CES4A: variants seen among roughly 807,000 people sequenced by gnomAD.
The protein encoded by CES4A is carboxylesterase 4A.
Under a neutral mutation model 65.4 loss-of-function variants are expected in CES4A, and 48 were observed. The observed-to-expected ratio is 0.73, with a 90% CI of 0.58 to 0.93. CES4A has a LOEUF of 0.93. Ranked by LOEUF, CES4A falls within the 40% of genes least tolerant of loss-of-function variation. The probability of loss-of-function intolerance (pLI) is 0.00; values close to 1 mark genes in which losing one functional copy is unlikely to be tolerated. For missense variants in CES4A, 685 were observed against 728.5 expected (o/e 0.94, Z 0.69); for synonymous variants, 247 against 281.8 (o/e 0.88, Z 1.24).
downstream of CES4A, among the ~76,000 whole-genome samples, chr16:67,010,410 A>G (rs184554903): frequency 7.4e-6 from 1 of 135,168 alleles, no homozygotes; most frequent in Non-Finnish European, 1.6e-5. Context: ...AAATTTTACC[A>G]TTTTAACTAT....
intron 11 of CES4A, chr16:67,005,694 A>C (rs1169570569): frequency 1.7e-5 from 5 of 288,014 alleles, no homozygotes; most frequent in Middle Eastern, 1.1e-3. Flanking sequence ...TAAAAGTACA[A>C]AAAAATTAGC....
At chr16:67,005,704 C>T in intron 11 of CES4A, 1 of 275,912 alleles carries the variant, frequency 3.6e-6, no homozygotes, top group Non-Finnish European at 6.8e-6. Flanking sequence ...AAAAAATTAG[C>T]CAGCTGTAGT....
chr16:67,000,933 G>A lies in CES4A; in HGVS notation c.479G>A (p.Arg160His). The change falls in exon 4 of 14, where the codon CGC (arginine) becomes CAC (histidine). Residue 160 changes from arginine (R) to histidine (H), a missense_variant. Coordinates refer to ENST00000648724, the Ensembl canonical transcript of CES4A. This position sits in a 1 kb window ranked among gnomAD's most constrained non-coding sequence, Gnocchi z 4.2. Reference sequence around the variant, plus strand: ...TACGAGGGCTCTGACTTGGCCGCCCGCGAGAAAGTGGTGCTGGTGTTTCTG... The same window carrying A: ...TACGAGGGCTCTGACTTGGCCGCCCACGAGAAAGTGGTGCTGGTGTTTCTG... The A allele has an allele frequency of 1.2e-6, 2 of 1,613,382 alleles. No homozygotes were observed. Among genetic ancestry groups the A allele is most frequent in the Non-Finnish European group, 1.7e-6 (2 of 1,179,650 alleles).
At chr16:66,997,230 G>A (rs947507184) in intron 2 of CES4A, among the ~76,000 whole-genome samples, 1 of 152,156 alleles carries the variant, frequency 6.6e-6, no homozygotes, top group African/African-American at 2.4e-5. Flanking sequence ...ACAGAACATG[G>A]GATGGCCACT....
chr16:67,002,698 C>T (rs1965451837), intron 5 of CES4A, among the ~76,000 whole-genome samples: 2 of 152,050 alleles, frequency 1.3e-5, no homozygotes, highest in South Asian at 4.1e-4. Context: ...ACTTGTTCCC[C>T]CAACTTGGGC....
intron 13 of CES4A, 68 bp downstream of exon 13, chr16:67,006,885 C>T (rs1049412693): frequency 6.8e-7 from 1 of 1,469,434 alleles, no homozygotes; most frequent in African/African-American, 1.4e-5. Flanking sequence ...AAGCCAGCTG[C>T]TTCGGATATT....
At chr16:66,992,428 A>T (rs1217131885) in intron 1 of CES4A, among the ~76,000 whole-genome samples, 1 of 152,186 alleles carries the variant, frequency 6.6e-6, no homozygotes, top group Non-Finnish European at 1.5e-5. Flanking sequence ...TATTGCATCA[A>T]TTCCAAATCC....
At chr16:66,995,917 C>T in intron 2 of CES4A, 88 bp downstream of exon 2, 1 of 1,286,546 alleles carries the variant, frequency 7.8e-7, no homozygotes, top group Non-Finnish European at 1.1e-6. Context: ...CTGAGAAGAA[C>T]TCACTGTGTG....
At position 67,000,502 on chromosome 16, in the gene CES4A, C is replaced by A; in HGVS notation, c.261-136C>A. ...GGCTGGCGGAGGCCTCCTGTACACG[C>A]ACACGCACGCACATGCGCACGCACA... On this transcript the variant is annotated intron_variant, in intron 2 of 13. Coordinates refer to ENST00000648724, the Ensembl canonical transcript of CES4A. This position sits in a 1 kb window ranked among gnomAD's most constrained non-coding sequence, Gnocchi z 4.2. 4.9e-6 allele frequency: 7 copies of A among 1,439,814 alleles called. No individual in the cohort carries two copies. Among genetic ancestry groups the A allele is most frequent in the Non-Finnish European group, 5.5e-6 (6 of 1,096,910 alleles). 89.2% of individuals were successfully genotyped at this position (1,439,814 alleles called of 1,614,324 possible).
chr16:67,002,195 C>T (rs571263668), intron 5 of CES4A, among the ~76,000 whole-genome samples: 1 of 152,136 alleles, frequency 6.6e-6, no homozygotes, highest in Non-Finnish European at 1.5e-5. Context: ...GACGGAGTTT[C>T]GCTCTTGTTG....
In CES4A at chr16:67,006,826, G is replaced by A. The variant is rs1965800053; in HGVS notation, c.1517+9G>A. The A allele has an allele frequency of 1.2e-6, 2 of 1,613,468 alleles. No homozygotes were observed. The highest frequency in any genetic ancestry group is 2.7e-5 in the African/African-American group (2 of 74,884). On this transcript the variant is annotated intron_variant, in intron 13 of 13. Transcript: ENST00000648724. ...AACTTTGCCCGCACAGGGTGAGTCT[G>A]CCCCCCAGCACATCTGGGCATTCTA... is the stretch of plus-strand genomic sequence containing the variant.
At position 67,001,035 on chromosome 16, in the gene CES4A, G is replaced by A. The variant is rs1382719700; in HGVS notation, c.536+45G>A. On this transcript the variant is annotated intron_variant, in intron 4 of 13. Transcript: ENST00000648724. The surrounding 1 kb of genome is among the most constrained non-coding windows in gnomAD (Gnocchi z 4.1). ...TTGGGACCGCAGCTGTGGCCAGAGC[G>A]GCGGGGACTGGGTGGGAAGGGAGGG... The A allele has an allele frequency of 6.3e-7, 1 of 1,593,408 alleles. No individual in the cohort carries two copies. The highest frequency in any genetic ancestry group is 8.6e-7 in the Non-Finnish European group (1 of 1,167,706).
rs1293922650 is a variant in CES4A at position 67,000,611 on chromosome 16, G to T, written c.261-27G>T. The T allele has an allele frequency of 6.5e-7, 1 of 1,530,378 alleles. No homozygotes were observed. Among genetic ancestry groups the T allele is most frequent in the Non-Finnish European group, 8.8e-7 (1 of 1,135,486 alleles). 94.8% of individuals were successfully genotyped at this position (1,530,378 alleles called of 1,614,324 possible). On this transcript the variant is annotated intron_variant, in intron 2 of 13. Coordinates refer to ENST00000648724, the Ensembl canonical transcript of CES4A. The surrounding 1 kb of genome is among the most constrained non-coding windows in gnomAD (Gnocchi z 4.2). ...CCTGGATTGAAACGATCTCCCCGCG[G>T]CCGCCGCCGCTACCTGGTGCCCGCA...
At position 67,001,485 on chromosome 16, in the gene CES4A, C is replaced by T. The variant is rs376450554; in HGVS notation, c.690+24C>T. 1.9e-6 allele frequency: 3 copies of T among 1,573,176 alleles called. No homozygotes were observed. Among genetic ancestry groups the T allele is most frequent in the Non-Finnish European group, 2.6e-6 (3 of 1,160,010 alleles). ...TGGTGAGAGCAATGCCCAGACGGAC[C>T]GAGCACAGACTTAGGCTCCTGCGTT... On this transcript the variant is annotated intron_variant, in intron 5 of 13. Coordinates refer to ENST00000648724, the Ensembl canonical transcript of CES4A. This position sits in a 1 kb window ranked among gnomAD's most constrained non-coding sequence, Gnocchi z 4.1.
At chr16:67,006,603 C>T in intron 12 of CES4A, 84 bp downstream of exon 12, 1 of 1,557,862 alleles carries the variant, frequency 6.4e-7, no homozygotes. Flanking sequence ...TGGCTGGCCA[C>T]AGGGAGCTCA....
exon 14 of CES4A, chr16:67,009,502 T>G (rs1597108803): frequency 5.5e-6 from 1 of 182,998 alleles, no homozygotes; most frequent in Non-Finnish European, 1.1e-5. Flanking sequence ...TTATGGGAGG[T>G]CGACCCAGAC....
chr16:67,005,261 C>T (rs771025125), exon 11 of CES4A: 1 of 1,614,114 alleles, frequency 6.2e-7, no homozygotes, highest in South Asian at 1.1e-5. Context: ...GGAGCAGGTA[C>T]CACTTGTGGT....
At chr16:66,998,141 G>A (rs559119652) in intron 2 of CES4A, among the ~76,000 whole-genome samples, 1 of 152,074 alleles carries the variant, frequency 6.6e-6, no homozygotes, top group Admixed American at 6.6e-5. Flanking sequence ...TGGATGATGG[G>A]AGAAAGGATG....
chr16:66,992,269 G>A (rs984049120), intron 1 of CES4A, among the ~76,000 whole-genome samples: 1 of 152,228 alleles, frequency 6.6e-6, no homozygotes, highest in South Asian at 2.1e-4. Flanking sequence ...GGCCCTTGCC[G>A]CTGCTGGCCT....
Sources: gnomAD v4.1 joint callset for allele counts (sites outside exome capture counted in the v4.1 genomes callset) on GRCh38, gnomAD v4.1.1 for gene constraint, Gnocchi (gnomAD v3.1) non-coding constraint, MANE v1.5 for transcripts, NCBI Gene and HGNC (gene_info 2026-07-23, HGNC 2026-07-21) for gene names.